The following IL1RAPL2 variants were observed in gnomAD, a reference collection of about 807,000 sequenced individuals.
IL1RAPL2 encodes X-linked interleukin-1 receptor accessory protein-like 2.
A neutral mutation model predicts 44.1 loss-of-function variants in IL1RAPL2; 3 were observed. The ratio of observed to expected loss-of-function variants is 0.07; its 90% CI spans 0.03 to 0.18. The LOEUF is 0.18. Among genes scored for constraint, IL1RAPL2 ranks in the 10% least tolerant of loss-of-function variants. The pLI is 1.00. For synonymous variants in IL1RAPL2, 181 were observed against 178.8 expected, an observed-to-expected ratio of 1.01 and a Z score of -0.10; for missense variants, 391 against 496.4, an observed-to-expected ratio of 0.79 and a Z score of 2.02.
chrX:104,612,372 AG>A (rs1158118557), intron 1 of IL1RAPL2, among the ~76,000 whole-genome samples: 11 of 112,207 alleles, frequency 9.8e-5, no homozygotes, highest in Non-Finnish European at 2.1e-4. Flanking sequence ...GATGAAAGAT[AG>A]GGGTCCAGTT....
At chrX:105,464,079 A>G (rs1459542921) in intron 5 of IL1RAPL2, among the ~76,000 whole-genome samples, 1 of 112,243 alleles carries the variant, frequency 8.9e-6, no homozygotes, top group Admixed American at 9.5e-5. Flanking sequence ...ATCTTCTGAC[A>G]AAGATGTCTT....
intron 2 of IL1RAPL2, among the ~76,000 whole-genome samples, chrX:105,140,630 G>C (rs1049764683): frequency 1.8e-5 from 2 of 112,349 alleles, no homozygotes; most frequent in African/African-American, 6.5e-5. Context: ...CAATCCCAGA[G>C]TGCAAATGAA....
At chrX:105,551,296 A>G (rs2036852440) in intron 6 of IL1RAPL2, among the ~76,000 whole-genome samples, 1 of 109,729 alleles carries the variant, frequency 9.1e-6, no homozygotes, top group Non-Finnish European at 1.9e-5. Context: ...CCAAAAAAAA[A>G]AAAAACAACA....
intron 2 of IL1RAPL2, among the ~76,000 whole-genome samples, chrX:104,973,588 T>G (rs1421898254): frequency 8.9e-6 from 1 of 112,169 alleles, no homozygotes; most frequent in Non-Finnish European, 1.9e-5. Flanking sequence ...TTGAAAACTT[T>G]CTGGTAATTT....
intron 3 of IL1RAPL2, among the ~76,000 whole-genome samples, chrX:105,199,298 T>C (rs977219882): frequency 1.2e-4 from 11 of 95,646 alleles, no homozygotes; most frequent in African/African-American, 3.8e-4. Context: ...TCTATCATTG[T>C]GGAGTGGTGG....
At chrX:104,676,657 A>T (rs1318611073) in intron 2 of IL1RAPL2, among the ~76,000 whole-genome samples, 1 of 111,708 alleles carries the variant, frequency 9.0e-6, no homozygotes, top group East Asian at 2.8e-4. Flanking sequence ...GCCTTGCTAG[A>T]TTGGGGAAGT....
intron 2 of IL1RAPL2, among the ~76,000 whole-genome samples, chrX:104,934,213 C>A (rs1248992485): frequency 9.1e-6 from 1 of 109,707 alleles, no homozygotes; most frequent in Non-Finnish European, 1.9e-5. Context: ...TTTGTAAATA[C>A]ACTCACAACT....
chrX:105,747,498 G>A (rs796317872), intron 8 of IL1RAPL2, among the ~76,000 whole-genome samples: 6,478 of 59,234 alleles, frequency 0.11, 202 homozygotes, highest in South Asian at 0.29. Flanking sequence ...GTGTATGTGT[G>A]TGTGTGTGTG....
chrX:105,232,305 T>C (rs1365387939), intron 3 of IL1RAPL2, among the ~76,000 whole-genome samples: 1 of 111,929 alleles, frequency 8.9e-6, no homozygotes, highest in Non-Finnish European at 1.9e-5. Flanking sequence ...AAAATTTCAA[T>C]GAGTGACTAC....
chrX:105,293,477 C>T (rs978772688), intron 5 of IL1RAPL2, among the ~76,000 whole-genome samples: 1 of 111,944 alleles, frequency 8.9e-6, no homozygotes, highest in Non-Finnish European at 1.9e-5. Flanking sequence ...ACAATTTATG[C>T]TCCCACCAGC....
chrX:104,807,834 C>A (rs1283259731), intron 2 of IL1RAPL2, among the ~76,000 whole-genome samples: 1 of 110,984 alleles, frequency 9.0e-6, no homozygotes, highest in African/African-American at 3.3e-5. Context: ...TATAAATGGA[C>A]TTTTCATTTT....
chrX:104,832,622 C>T (rs1921642061), intron 2 of IL1RAPL2, among the ~76,000 whole-genome samples: 1 of 111,719 alleles, frequency 9.0e-6, no homozygotes, highest in African/African-American at 3.2e-5. Flanking sequence ...TTAGAATTTC[C>T]GTTCCTTAGG....
intron 5 of IL1RAPL2, among the ~76,000 whole-genome samples, chrX:105,352,451 A>G (rs1476977058): frequency 1.8e-5 from 2 of 112,010 alleles, no homozygotes; most frequent in Non-Finnish European, 3.8e-5. Context: ...TTGCGTCTCT[A>G]TTATCAGCAT....
intron 2 of IL1RAPL2, among the ~76,000 whole-genome samples, chrX:104,904,755 A>G (rs1258857898): frequency 1.8e-5 from 2 of 109,888 alleles, no homozygotes; most frequent in East Asian, 2.9e-4. Context: ...TAATGCTGCA[A>G]TAAACATACA....
At chrX:105,180,163 C>G in intron 2 of IL1RAPL2, among the ~76,000 whole-genome samples, 1 of 109,072 alleles carries the variant, frequency 9.2e-6, no homozygotes, top group Non-Finnish European at 1.9e-5. Flanking sequence ...ATGGTGAAAC[C>G]CCATCTCTAC....
intron 5 of IL1RAPL2, among the ~76,000 whole-genome samples, chrX:105,400,452 C>A (rs1053349427): frequency 2.9e-4 from 32 of 111,153 alleles, no homozygotes; most frequent in African/African-American, 1.0e-3. Context: ...TCATACATGG[C>A]TTTTCACTCA....
In IL1RAPL2 at chrX:105,755,467, T is replaced by C. The variant is rs993583614; in HGVS notation, c.1363+120T>C. 4.0e-5 allele frequency: 19 copies of C among 472,208 alleles called. No homozygotes were observed. In the African/African-American group the frequency reaches 4.4e-4, roughly 11 times the overall value. 38.9% of individuals were successfully genotyped at this position (472,208 alleles called of 1,213,427 possible). ...GTTTCTCACAGTAGAGTTTCTTAAA[T>C]CCAAATTTTTCCCATATGCCTGTGT... is the stretch of plus-strand genomic sequence containing the variant. On this transcript the variant is annotated intron_variant, in intron 10 of 10. Transcript: ENST00000372582.
intron 1 of IL1RAPL2, among the ~76,000 whole-genome samples, chrX:104,582,516 CTTTCTT>C (rs1228239300): frequency 9.2e-6 from 1 of 109,257 alleles, no homozygotes; most frequent in African/African-American, 3.3e-5. Context: ...CTCTCTCTTT[CTTTCTT>C]TTTCTTTCCT....
chrX:105,668,540 GAGA>G (rs1435001988), intron 6 of IL1RAPL2, among the ~76,000 whole-genome samples: 1 of 112,651 alleles, frequency 8.9e-6, no homozygotes, highest in Admixed American at 9.4e-5. Flanking sequence ...ATGGTGTAGT[GAGA>G]AGAATTAAAT....
Sources: gnomAD v4.1 joint callset for allele counts (sites outside exome capture counted in the v4.1 genomes callset) on GRCh38, gnomAD v4.1.1 for gene constraint, MANE v1.5 for transcripts, NCBI Gene and HGNC (gene_info 2026-07-23, HGNC 2026-07-21) for gene names.